VRTN: variants seen among roughly 807,000 people sequenced by gnomAD.
The protein encoded by VRTN is vertnin.
Under a neutral mutation model 18.2 loss-of-function variants are expected in VRTN, and 5 were observed. The observed-to-expected ratio is 0.27, with a 90% CI of 0.14 to 0.58. The LOEUF (loss-of-function observed/expected upper bound fraction) is 0.58. Ranked by LOEUF, VRTN falls within the 20% of genes least tolerant of loss-of-function variation. The pLI is 0.91. For missense variants in VRTN, 741 were observed against 939.4 expected (o/e 0.79, Z 2.76); for synonymous variants, 381 against 393.7 (o/e 0.97, Z 0.38).
rs1255382601 is a variant in VRTN, at chr14:74,357,348, T to TCCATCTACC, written c.570_578dup (p.Ile190_Pro192dup). On this transcript the variant is annotated inframe_insertion, in exon 2 of 2. Coordinates refer to ENST00000256362, the MANE Select transcript of VRTN (RefSeq NM_018228.3). The surrounding 1 kb of genome is among the most constrained non-coding windows in gnomAD (Gnocchi z 7.8). ...CTCTGTCCTCCAGCGGAACATCTAC[T>TCCATCTACC]CCATCTACCCCATGCGCAACCTCAA... The TCCATCTACC allele has an allele frequency of 6.2e-7, 1 of 1,613,852 alleles. No homozygotes were observed. The highest frequency in any genetic ancestry group is 8.5e-7 in the Non-Finnish European group (1 of 1,180,002).
chr14:74,321,194 G>T (rs932030958), intron 1 of VRTN, among the ~76,000 whole-genome samples: 2 of 152,182 alleles, frequency 1.3e-5, no homozygotes, highest in African/African-American at 4.8e-5. Flanking sequence ...AGGATGGAAA[G>T]CTGTTACAAC....
intron 1 of VRTN, among the ~76,000 whole-genome samples, chr14:74,327,407 G>A (rs1361226209): frequency 2.6e-5 from 4 of 152,138 alleles, no homozygotes; most frequent in South Asian, 4.1e-4. Context: ...CCTGTTTACC[G>A]ACTGTCTCCC....
At chr14:74,345,264 C>T (rs1205471655), upstream of VRTN, among the ~76,000 whole-genome samples, 5 of 150,748 alleles carry the variant, frequency 3.3e-5, no homozygotes, top group Non-Finnish European at 5.9e-5. Flanking sequence ...AGGCTGGTCT[C>T]GAACTCCTGG....
Position 74,305,161 on chromosome 14 carries a change from G to A in VRTN, c.-164+1985G>A, listed in dbSNP as rs558043026. On this transcript the variant is annotated intron_variant, in intron 1 of 2. Coordinates refer to the VRTN transcript ENST00000557177. The stretch of plus-strand genomic sequence containing the variant: ...AGCCTGGCCAACATGACAAAATCCC[G>A]TCTTTACTAAAAGTACAAAAATTAG... Among the ~76,000 whole-genome samples, 107 of 152,080 alleles carry A rather than the reference G, an allele frequency of 7.0e-4. 1 individual carries two copies. Among genetic ancestry groups the A allele is most frequent in the Admixed American group, 3.3e-4 (5 of 15,260 alleles).
rs775281799 is a variant in VRTN, at chr14:74,358,513, A to T, written c.1730A>T (p.Glu577Val). Reference sequence around the variant, plus strand: ...GGGCAGGAGGCTGAGGAGAAGCAGGAGAAGGAGGCTGGCAGGGATGTGACA... The same window carrying T: ...GGGCAGGAGGCTGAGGAGAAGCAGGTGAAGGAGGCTGGCAGGGATGTGACA... Reference protein sequence around the residue: ...KGGQEAEEKQEKEAGRDVTAV... With the variant: ...KGGQEAEEKQVKEAGRDVTAV... Residue 577 changes from glutamate (E) to valine (V), a missense_variant, in exon 2 of 2, where the codon GAG becomes GTG. This residue lies in a region of VRTN where 494 missense variants were observed against 546.5 expected (regional missense o/e 0.90). Coordinates refer to ENST00000256362, the MANE Select transcript of VRTN (RefSeq NM_018228.3). This position sits in a 1 kb window ranked among gnomAD's most constrained non-coding sequence, Gnocchi z 5.4. The T allele has an allele frequency of 1.2e-6, 2 of 1,613,334 alleles. No homozygotes were observed. The highest frequency in any genetic ancestry group is 1.1e-5 in the South Asian group (1 of 91,082).
chr14:74,332,025 A>G (rs1054599887), intron 1 of VRTN, among the ~76,000 whole-genome samples: 7 of 152,114 alleles, frequency 4.6e-5, no homozygotes, highest in Non-Finnish European at 1.0e-4. Context: ...TAGAGATGAT[A>G]GGACACCTTA....
intron 1 of VRTN, among the ~76,000 whole-genome samples, chr14:74,322,855 C>G (rs533958274): frequency 6.6e-6 from 1 of 152,150 alleles, no homozygotes; most frequent in African/African-American, 2.4e-5. Flanking sequence ...TACTAGGGAC[C>G]GGGCACGGTG....
At chr14:74,308,445 T>C (rs2085368479) in intron 1 of VRTN, among the ~76,000 whole-genome samples, 1 of 152,242 alleles carries the variant, frequency 6.6e-6, no homozygotes, top group South Asian at 2.1e-4. Context: ...TCTAATCCAG[T>C]TTCTACAAAG....
chr14:74,303,845 T>C (rs1057100735), intron 1 of VRTN, among the ~76,000 whole-genome samples: 4 of 38,842 alleles, frequency 1.0e-4, no homozygotes, highest in African/African-American at 4.9e-4. Flanking sequence ...AATTACAGAT[T>C]TTTTTTTTTT....
intron 1 of VRTN, among the ~76,000 whole-genome samples, chr14:74,304,927 A>C (rs1417705402): frequency 6.6e-6 from 1 of 152,232 alleles, no homozygotes; most frequent in Non-Finnish European, 1.5e-5. Flanking sequence ...TCTCTAGGGT[A>C]ATCTAGGTTT....
chr14:74,327,939 G>A (rs1010582700), intron 1 of VRTN, among the ~76,000 whole-genome samples: 1 of 151,942 alleles, frequency 6.6e-6, no homozygotes, highest in Non-Finnish European at 1.5e-5. Context: ...CGGGCTGGTC[G>A]CGAACCCCTG....
chr14:74,306,370 G>C (rs1001920531), intron 1 of VRTN: 13 of 151,138 alleles, frequency 8.6e-5, no homozygotes, highest in African/African-American at 3.2e-4. Context: ...GCAGGGGTTG[G>C]GGGGAGGTGT....
At chr14:74,338,111 A>G (rs907257518) in intron 2 of VRTN, among the ~76,000 whole-genome samples, 1 of 152,164 alleles carries the variant, frequency 6.6e-6, no homozygotes. Flanking sequence ...TTTTATTCCT[A>G]AATTCTGAAA....
intron 1 of VRTN, among the ~76,000 whole-genome samples, chr14:74,351,495 GTTTTTTTTTTTT>G (rs59810913): frequency 1.1e-5 from 1 of 89,692 alleles, no homozygotes; most frequent in Non-Finnish European, 2.2e-5. Flanking sequence ...TGATTACCAG[GTTTTTTTTTTTT>G]TTTTTTTTTT....
chr14:74,314,710 G>C (rs1489374373), intron 1 of VRTN, among the ~76,000 whole-genome samples: 1 of 152,086 alleles, frequency 6.6e-6, no homozygotes, highest in Non-Finnish European at 1.5e-5. Context: ...GCCAAAAACT[G>C]TTCATTTTTA....
intron 1 of VRTN, among the ~76,000 whole-genome samples, chr14:74,309,922 G>T (rs2085376720): frequency 6.6e-6 from 1 of 151,922 alleles, no homozygotes; most frequent in South Asian, 2.1e-4. Flanking sequence ...TCATTTCCAG[G>T]AATTCTCTTA....
At chr14:74,315,417 A>C (rs925227869) in intron 1 of VRTN, among the ~76,000 whole-genome samples, 2 of 152,120 alleles carry the variant, frequency 1.3e-5, no homozygotes, top group African/African-American at 4.8e-5. Flanking sequence ...ATTATTGACC[A>C]GGCCGGGTGT....
intron 1 of VRTN, among the ~76,000 whole-genome samples, chr14:74,336,959 G>A (rs13313377): frequency 0.18 from 27,987 of 151,918 alleles, 3,406 homozygotes; most frequent in East Asian, 0.49. Flanking sequence ...GTAATTTTAC[G>A]TATTTTGAAA....
In VRTN at chr14:74,357,228, C is replaced by T. The variant is rs763619284; in HGVS notation, c.445C>T (p.Pro149Ser). 8 of 1,612,692 alleles carry T rather than the reference C, an allele frequency of 5.0e-6. No individual in the cohort carries two copies. Among genetic ancestry groups the T allele is most frequent in the South Asian group, 1.1e-5 (1 of 91,066 alleles). Reference protein sequence around the residue: ...SEESPEMTSLPPATLEAIFDA... With the variant: ...SEESPEMTSLSPATLEAIFDA... ...GGAGTCCCCTGAGATGACCAGCTTG[C>T]CCCCCGCCACGCTGGAGGCCATCTT... Residue 149 changes from proline to serine, a missense_variant, in exon 2 of 2, where the codon CCC becomes TCC. This residue lies in a region of VRTN where 186 missense variants were observed against 288.3 expected (regional missense o/e 0.65). Coordinates refer to ENST00000256362, the MANE Select transcript of VRTN (RefSeq NM_018228.3). The surrounding 1 kb of genome is among the most constrained non-coding windows in gnomAD (Gnocchi z 7.8).
Sources: allele counts gnomAD v4.1 joint callset (sites outside exome capture counted in the v4.1 genomes callset), GRCh38; gene constraint gnomAD v4.1.1; regional missense constraint gnomAD v4.1.1; non-coding constraint Gnocchi (gnomAD v3.1); transcripts MANE v1.5; gene names NCBI Gene and HGNC (gene_info 2026-07-23, HGNC 2026-07-21).